The following DPYD variants were observed in gnomAD, a reference collection of about 807,000 sequenced individuals.
DPYD encodes the protein dihydropyrimidine dehydrogenase, also known as dihydropyrimidine dehydrogenase [NADP(+)].
In DPYD, 109 loss-of-function variants were observed where a neutral mutation model predicts 116.2. The observed-to-expected ratio is 0.94, with a 90% confidence interval of 0.80 to 1.10. The LOEUF (loss-of-function observed/expected upper bound fraction) is 1.10, where lower values mean the gene tolerates loss of function less well. DPYD is among the 50% of genes least tolerant of loss of function. The pLI, the probability that DPYD is intolerant of heterozygous loss-of-function variation, is 0.00. For synonymous variants in DPYD, 440 were observed against 432.0 expected (o/e 1.02, Z -0.23); for missense variants, 1,302 against 1,254.5 (o/e 1.04, Z -0.57).
intron 3 of DPYD, among the ~76,000 whole-genome samples, chr1:97,758,360 C>CAAAAAAAA (rs34224428): frequency 7.2e-6 from 1 of 138,908 alleles, no homozygotes; most frequent in Non-Finnish European, 1.6e-5. Context: ...ATTATGAGAG[C>CAAAAAAAA]AAAAAAAAAA....
At chr1:97,824,435 A>C (rs568103417) in intron 3 of DPYD, among the ~76,000 whole-genome samples, 1 of 152,264 alleles carries the variant, frequency 6.6e-6, no homozygotes, top group East Asian at 1.9e-4. Context: ...CACAGAACAA[A>C]CCACAGCCAC....
At chr1:97,802,012 A>T (rs1667871369) in intron 3 of DPYD, among the ~76,000 whole-genome samples, 1 of 151,976 alleles carries the variant, frequency 6.6e-6, no homozygotes, top group South Asian at 2.1e-4. Context: ...ATTAAAATTC[A>T]TCAGTATATC....
chr1:97,709,721 A>G (rs1158806780), intron 5 of DPYD, among the ~76,000 whole-genome samples: 2 of 151,900 alleles, frequency 1.3e-5, no homozygotes, highest in African/African-American at 4.8e-5. Flanking sequence ...TAATCATTAT[A>G]TAGTGTTCTA....
chr1:97,288,740 A>T (rs1221926910), intron 18 of DPYD, among the ~76,000 whole-genome samples: 1 of 148,878 alleles, frequency 6.7e-6, no homozygotes, highest in Non-Finnish European at 1.5e-5. Context: ...AGCAGGAGAG[A>T]TCCAAAATTG....
At chr1:97,331,952 T>C (rs542595608) in intron 16 of DPYD, among the ~76,000 whole-genome samples, 19 of 152,366 alleles carry the variant, frequency 1.2e-4, no homozygotes, top group African/African-American at 4.6e-4. Context: ...TTTTATCTAT[T>C]ATCCAGAAAC....
At chr1:97,843,286 C>T (rs1287463822) in intron 2 of DPYD, among the ~76,000 whole-genome samples, 1 of 152,120 alleles carries the variant, frequency 6.6e-6, no homozygotes, top group East Asian at 1.9e-4. Context: ...ATAGCAATAA[C>T]TCACCCCTAC....
At chr1:97,408,038 C>T (rs1343028979) in intron 14 of DPYD, among the ~76,000 whole-genome samples, 3 of 152,154 alleles carry the variant, frequency 2.0e-5, no homozygotes, top group Non-Finnish European at 4.4e-5. Context: ...GAAGATTATG[C>T]ATGGAATACA....
chr1:97,162,990 T>C (rs998641297), intron 20 of DPYD, among the ~76,000 whole-genome samples: 1 of 151,520 alleles, frequency 6.6e-6, no homozygotes, highest in Non-Finnish European at 1.5e-5. Context: ...TCAAGATGGA[T>C]TAAAGACTTA....
chr1:97,329,130 G>T (rs1477657362), intron 16 of DPYD, among the ~76,000 whole-genome samples: 1 of 152,070 alleles, frequency 6.6e-6, no homozygotes, highest in East Asian at 1.9e-4. Context: ...AGGAAAAGAA[G>T]AATAATAGTA....
chr1:97,671,259 G>A (rs906023719), intron 8 of DPYD, among the ~76,000 whole-genome samples: 5 of 151,946 alleles, frequency 3.3e-5, no homozygotes, highest in Admixed American at 6.6e-5. Context: ...AGACTTCTAC[G>A]AGTAGAAAAA....
At chr1:97,604,924 C>CA in intron 8 of DPYD, among the ~76,000 whole-genome samples, 1 of 152,202 alleles carries the variant, frequency 6.6e-6, no homozygotes, top group Middle Eastern at 3.4e-3. Context: ...TAGAAGTATG[C>CA]ATTTTATTGT....
At chr1:97,172,819 C>A (rs781326937) in intron 20 of DPYD, among the ~76,000 whole-genome samples, 1 of 152,108 alleles carries the variant, frequency 6.6e-6, no homozygotes, top group Non-Finnish European at 1.5e-5. Flanking sequence ...GCAATTTTCA[C>A]AAATGATCAT....
intron 3 of DPYD, among the ~76,000 whole-genome samples, chr1:97,763,128 T>C (rs1665666678): frequency 6.6e-6 from 1 of 152,084 alleles, no homozygotes; most frequent in Admixed American, 6.6e-5. Flanking sequence ...AACACCTCCA[T>C]TGTGCCTTAC....
chr1:97,876,030 G>A (rs1341674902), intron 2 of DPYD, among the ~76,000 whole-genome samples: 3 of 151,884 alleles, frequency 2.0e-5, no homozygotes, highest in Admixed American at 6.6e-5. Flanking sequence ...TTATTCAAAT[G>A]TCTACCAATT....
At chr1:97,608,995 A>C (rs1332694437) in intron 8 of DPYD, among the ~76,000 whole-genome samples, 1 of 151,968 alleles carries the variant, frequency 6.6e-6, no homozygotes, top group Admixed American at 6.6e-5. Context: ...GATAGTATAG[A>C]GAGCATACAT....
At chr1:97,778,043 A>T (rs998356360) in intron 3 of DPYD, among the ~76,000 whole-genome samples, 3 of 151,222 alleles carry the variant, frequency 2.0e-5, no homozygotes, top group Non-Finnish European at 4.4e-5. Flanking sequence ...CTGTAGTCCC[A>T]GCTACTAGGG....
intron 19 of DPYD, among the ~76,000 whole-genome samples, chr1:97,219,653 A>T (rs1346011202): frequency 6.6e-6 from 1 of 152,184 alleles, no homozygotes; most frequent in Non-Finnish European, 1.5e-5. Flanking sequence ...AAAATTATGA[A>T]GGATAAAAAC....
intron 1 of DPYD, among the ~76,000 whole-genome samples, chr1:97,909,200 T>G (rs761768309): frequency 2.6e-5 from 4 of 152,128 alleles, no homozygotes; most frequent in Admixed American, 6.6e-5. Context: ...CATACTCTTA[T>G]TGAGAAAATT....
At chr1:97,420,961 T>C (rs1674550746) in intron 14 of DPYD, among the ~76,000 whole-genome samples, 1 of 152,194 alleles carries the variant, frequency 6.6e-6, no homozygotes, top group Non-Finnish European at 1.5e-5. Flanking sequence ...AACTATTTAG[T>C]TGCTGCCTTC....
Sources: gnomAD v4.1 joint callset for allele counts (sites outside exome capture counted in the v4.1 genomes callset) on GRCh38, gnomAD v4.1.1 for gene constraint, MANE v1.5 for transcripts, NCBI Gene and HGNC (gene_info 2026-07-23, HGNC 2026-07-21) for gene names.